Variants in SBF2 observed in about 807,000 individuals in gnomAD.
The protein encoded by SBF2 is SET binding factor 2, also known as myotubularin-related protein 13.
A neutral mutation model predicts 225.2 loss-of-function variants in SBF2; 112 were observed. The observed-to-expected ratio is 0.50, with a 90% CI of 0.43 to 0.58. The LOEUF is 0.58. SBF2 is among the 20% of genes least tolerant of loss of function. The probability of loss-of-function intolerance (pLI) is 0.00; values close to 1 mark genes in which losing one functional copy is unlikely to be tolerated. For missense variants in SBF2, 1,996 were observed against 2,206.2 expected, an observed-to-expected ratio of 0.90 and a Z score of 1.91; for synonymous variants, 763 against 773.3, an observed-to-expected ratio of 0.99 and a Z score of 0.22.
chr11:9,853,964 G>C (rs1350510119), intron 19 of SBF2, among the ~76,000 whole-genome samples: 2 of 152,150 alleles, frequency 1.3e-5, no homozygotes, highest in Non-Finnish European at 2.9e-5. Flanking sequence ...ATTTGTTTCT[G>C]TAAGGAATAC....
At chr11:10,099,652 G>A (rs1214031313) in intron 2 of SBF2, among the ~76,000 whole-genome samples, 1 of 152,080 alleles carries the variant, frequency 6.6e-6, no homozygotes, top group Non-Finnish European at 1.5e-5. Flanking sequence ...ATAATAATTT[G>A]TTAAGTATAT....
intron 1 of SBF2, among the ~76,000 whole-genome samples, chr11:10,268,592 G>C (rs1237783214): frequency 6.6e-6 from 1 of 152,062 alleles, no homozygotes; most frequent in Non-Finnish European, 1.5e-5. Context: ...ATCACCAAAA[G>C]CCCTTCAACT....
chr11:10,083,643 T>C (rs1565210735), intron 2 of SBF2, among the ~76,000 whole-genome samples: 1 of 152,112 alleles, frequency 6.6e-6, no homozygotes, highest in East Asian at 1.9e-4. Flanking sequence ...CCTTATTCAA[T>C]AAATGGTGCT....
intron 6 of SBF2, among the ~76,000 whole-genome samples, chr11:10,012,070 G>A (rs1308190725): frequency 6.6e-6 from 1 of 151,852 alleles, no homozygotes; most frequent in South Asian, 2.1e-4. Context: ...CATTTCTATT[G>A]GTCTTTCACC....
intron 2 of SBF2, among the ~76,000 whole-genome samples, chr11:10,111,800 C>A (rs962503299): frequency 6.6e-6 from 1 of 152,202 alleles, no homozygotes; most frequent in South Asian, 2.1e-4. Flanking sequence ...TCGCTTGAAC[C>A]CGGGAGACAG....
chr11:10,120,996 C>T (rs1953417127), intron 2 of SBF2, among the ~76,000 whole-genome samples: 1 of 151,988 alleles, frequency 6.6e-6, no homozygotes, highest in Non-Finnish European at 1.5e-5. Flanking sequence ...GAACTCCTGT[C>T]CTCAAGTTAT....
intron 32 of SBF2, among the ~76,000 whole-genome samples, chr11:9,805,691 C>A (rs1853780999): frequency 6.6e-6 from 1 of 152,164 alleles, no homozygotes; most frequent in South Asian, 2.1e-4. Context: ...GGGGGCTTCT[C>A]AGCTCAATGC....
chr11:10,057,239 C>G lies in SBF2; in HGVS notation c.142-14258G>C, dbSNP rs771837323. 5.5e-4 allele frequency among the ~76,000 whole-genome samples: 83 copies of G among 152,130 alleles called. 1 individual carries two copies. Among genetic ancestry groups the G allele is most frequent in the Non-Finnish European group, 9.7e-4 (66 of 68,010 alleles). Reference sequence around the variant, plus strand: ...TCCCATATCTCCTCACTGTGCAGGTCCTCCAGGCCTGAGCCTCCAGCCACC... The same window carrying G: ...TCCCATATCTCCTCACTGTGCAGGTGCTCCAGGCCTGAGCCTCCAGCCACC... On this transcript the variant is annotated intron_variant, in intron 2 of 39. Coordinates refer to ENST00000256190, the MANE Select transcript of SBF2 (RefSeq NM_030962.4).
chr11:10,062,121 A>C (rs540541105), intron 2 of SBF2, among the ~76,000 whole-genome samples: 1 of 152,344 alleles, frequency 6.6e-6, no homozygotes, highest in African/African-American at 2.4e-5. Flanking sequence ...TGGTACTGGG[A>C]TAACTGGCTA....
At chr11:10,122,947 T>TAC (rs1287608397) in intron 2 of SBF2, among the ~76,000 whole-genome samples, 2 of 152,158 alleles carry the variant, frequency 1.3e-5, no homozygotes, top group Non-Finnish European at 2.9e-5. Context: ...AGCATGTAGT[T>TAC]ACACACACAC....
chr11:10,199,738 T>C (rs968581322), intron 1 of SBF2, among the ~76,000 whole-genome samples: 1 of 151,992 alleles, frequency 6.6e-6, no homozygotes, highest in Non-Finnish European at 1.5e-5. Context: ...CTGGGCAACA[T>C]ATGGAGACCC....
chr11:9,849,920 T>C (rs1006226171), intron 22 of SBF2, 103 bp downstream of exon 22: 5 of 1,142,852 alleles, frequency 4.4e-6, no homozygotes, highest in Non-Finnish European at 6.6e-6. Context: ...GGCAAAAAGC[T>C]GACTTTGGAT....
intron 1 of SBF2, among the ~76,000 whole-genome samples, chr11:10,214,074 T>C (rs746391229): frequency 7.5e-4 from 114 of 152,336 alleles, no homozygotes; most frequent in Non-Finnish European, 1.1e-3. Context: ...CCCTGCAGTT[T>C]AAATTTTCTT....
intron 1 of SBF2, among the ~76,000 whole-genome samples, chr11:10,274,259 T>A (rs1274651850): frequency 6.6e-6 from 1 of 152,164 alleles, no homozygotes; most frequent in Non-Finnish European, 1.5e-5. Context: ...CTTGGAGGAC[T>A]AGGGTTTCAT....
intron 6 of SBF2, among the ~76,000 whole-genome samples, chr11:10,004,343 A>G (rs1391713333): frequency 2.0e-5 from 3 of 152,082 alleles, no homozygotes; most frequent in Non-Finnish European, 4.4e-5. Flanking sequence ...AGGTTTTGGT[A>G]CACTTAAACA....
intron 1 of SBF2, among the ~76,000 whole-genome samples, chr11:10,285,379 G>C (rs1017188001): frequency 1.3e-5 from 2 of 150,954 alleles, no homozygotes; most frequent in Non-Finnish European, 2.9e-5. Flanking sequence ...GGGAGGGACA[G>C]ACTTTCTAGA....
At chr11:9,907,923 T>C (rs74553374) in intron 16 of SBF2, among the ~76,000 whole-genome samples, 13,858 of 152,292 alleles carry the variant, frequency 0.091, 652 homozygotes, top group East Asian at 0.11. Context: ...AGAGGTTAAA[T>C]TATTTGCTTG....
intron 3 of SBF2, among the ~76,000 whole-genome samples, chr11:10,040,814 A>G (rs1229584780): frequency 6.6e-6 from 1 of 151,828 alleles, no homozygotes. Flanking sequence ...TAGGGAAGAA[A>G]GACCTCAAAT....
At chr11:10,057,335 G>A (rs934363472) in intron 2 of SBF2, among the ~76,000 whole-genome samples, 1 of 152,092 alleles carries the variant, frequency 6.6e-6, no homozygotes, top group Non-Finnish European at 1.5e-5. Context: ...CACTACCTCT[G>A]CAATGTAACT....
Sources: gnomAD v4.1 joint callset for allele counts (sites outside exome capture counted in the v4.1 genomes callset) on GRCh38, gnomAD v4.1.1 for gene constraint, MANE v1.5 for transcripts, NCBI Gene and HGNC (gene_info 2026-07-23, HGNC 2026-07-21) for gene names.